Variants in PLPP4 observed in about 807,000 individuals in gnomAD.
PLPP4 encodes the protein diacylglycerol pyrophosphate like 2.
PLPP4 carries 20 observed loss-of-function variants against 32.2 expected under a neutral mutation model. That is an observed-to-expected ratio of 0.62 (90% CI 0.44 to 0.90). The LOEUF is 0.90. Among genes scored for constraint, PLPP4 ranks in the 40% least tolerant of loss-of-function variants. The pLI, the probability that PLPP4 is intolerant of heterozygous loss-of-function variation, is 0.00. For missense variants in PLPP4, 257 were observed against 353.1 expected, an observed-to-expected ratio of 0.73 and a Z score of 2.18; for synonymous variants, 127 against 133.0, an observed-to-expected ratio of 0.95 and a Z score of 0.31.
At chr10:120,519,014 G>T in intron 4 of PLPP4, 118 bp downstream of exon 4, 1 of 617,004 alleles carries the variant, frequency 1.6e-6, no homozygotes, top group Non-Finnish European at 2.7e-6. Flanking sequence ...CCCTTAAATT[G>T]TTGTCCTTCT....
chr10:120,551,165 G>A (rs1847883836), intron 5 of PLPP4, among the ~76,000 whole-genome samples: 3 of 152,038 alleles, frequency 2.0e-5, no homozygotes, highest in Admixed American at 2.0e-4. Flanking sequence ...TCCTCATTAG[G>A]GAAATACAAA....
chr10:120,460,082 C>A (rs988137644), intron 1 of PLPP4, among the ~76,000 whole-genome samples: 1 of 152,132 alleles, frequency 6.6e-6, no homozygotes, highest in Admixed American at 6.6e-5. Flanking sequence ...GACTTCAAAT[C>A]GCTGGGAAGG....
At chr10:120,496,862 A>T (rs1263073270) in intron 1 of PLPP4, among the ~76,000 whole-genome samples, 3 of 149,030 alleles carry the variant, frequency 2.0e-5, no homozygotes, top group South Asian at 4.2e-4. Context: ...CATGGGAGTG[A>T]GAGAGAGAGA....
At chr10:120,489,382 G>A (rs1400547585) in intron 1 of PLPP4, among the ~76,000 whole-genome samples, 2 of 152,178 alleles carry the variant, frequency 1.3e-5, no homozygotes, top group African/African-American at 4.8e-5. Context: ...TCACAGGGGA[G>A]CAGACTTCAG....
At chr10:120,475,058 C>G (rs1843836073) in intron 1 of PLPP4, among the ~76,000 whole-genome samples, 1 of 152,020 alleles carries the variant, frequency 6.6e-6, no homozygotes, top group South Asian at 2.1e-4. Flanking sequence ...GGTAGTGAGG[C>G]TTTCTTATAA....
intron 1 of PLPP4, among the ~76,000 whole-genome samples, chr10:120,466,144 A>G (rs574901158): frequency 6.6e-6 from 1 of 152,250 alleles, no homozygotes; most frequent in South Asian, 2.1e-4. Context: ...ATGATGCTGT[A>G]ATCTCCATCT....
At chr10:120,536,666 A>C (rs1045719306) in intron 5 of PLPP4, among the ~76,000 whole-genome samples, 1 of 65,672 alleles carries the variant, frequency 1.5e-5, no homozygotes, top group Non-Finnish European at 3.6e-5. Flanking sequence ...TACCTAAAGC[A>C]CAGGCAAAAA....
intron 1 of PLPP4, among the ~76,000 whole-genome samples, chr10:120,482,871 C>G (rs939429063): frequency 3.3e-5 from 5 of 152,108 alleles, no homozygotes; most frequent in African/African-American, 1.2e-4. Context: ...GAGATCGCAC[C>G]ACTGCACTCC....
At chr10:120,515,804 T>C (rs1589802389) in intron 3 of PLPP4, among the ~76,000 whole-genome samples, 1 of 152,132 alleles carries the variant, frequency 6.6e-6, no homozygotes, top group Non-Finnish European at 1.5e-5. Context: ...CTTTAGTTCA[T>C]TCTTTATTCT....
chr10:120,500,602 T>A (rs1845197273), intron 1 of PLPP4, among the ~76,000 whole-genome samples: 1 of 128,964 alleles, frequency 7.8e-6, no homozygotes, highest in East Asian at 2.3e-4. Context: ...GGATACCTGC[T>A]GTGGGGGAAG....
chr10:120,546,807 T>A (rs1847649004), intron 5 of PLPP4, among the ~76,000 whole-genome samples: 1 of 152,248 alleles, frequency 6.6e-6, no homozygotes, highest in South Asian at 2.1e-4. Flanking sequence ...TGCTTCTCCA[T>A]ATCATCTATC....
chr10:120,587,660 C>G (rs1040024327), intron 6 of PLPP4, among the ~76,000 whole-genome samples: 1 of 152,112 alleles, frequency 6.6e-6, no homozygotes, highest in African/African-American at 2.4e-5. Flanking sequence ...TAGATAGAAC[C>G]AGGATACCTA....
At chr10:120,574,712 T>C (rs1443317640) in intron 5 of PLPP4, among the ~76,000 whole-genome samples, 2 of 152,210 alleles carry the variant, frequency 1.3e-5, no homozygotes, top group Non-Finnish European at 2.9e-5. Flanking sequence ...TTGCTCTGTA[T>C]GTACTTGTTT....
At chr10:120,536,158 A>G (rs1847007866) in intron 5 of PLPP4, among the ~76,000 whole-genome samples, 1 of 152,080 alleles carries the variant, frequency 6.6e-6, no homozygotes, top group African/African-American at 2.4e-5. Context: ...AAAATTCCAA[A>G]GGCATTTAGG....
At chr10:120,583,516 G>C (rs916022038) in intron 6 of PLPP4, among the ~76,000 whole-genome samples, 1 of 152,064 alleles carries the variant, frequency 6.6e-6, no homozygotes, top group Admixed American at 6.5e-5. Flanking sequence ...TATATCCAGA[G>C]TTGTGCAACC....
rs183126831 is a variant in PLPP4 at position 120,512,168 on chromosome 10, G to T, written c.166-1743G>T. On this transcript the variant is annotated intron_variant, in intron 2 of 6. Coordinates refer to ENST00000398250, the MANE Select transcript of PLPP4 (RefSeq NM_001030059.3). ...GAGGAAATCAGTACTTCAACAAGCC[G>T]TGTAGTTATTTAGGTGTGAGAGCTG... Among the ~76,000 whole-genome samples the T allele has an allele frequency of 3.9e-5, 6 of 152,274 alleles. No homozygotes were observed. The East Asian group carries it at 7.7e-4, about 20-fold the overall frequency.
chr10:120,589,875 CA>C lies in PLPP4; in HGVS notation c.*375del. 1 of 190,656 alleles carries C rather than the reference CA, an allele frequency of 5.2e-6. No homozygotes were observed. The highest frequency in any genetic ancestry group is 1.1e-5 in the Non-Finnish European group (1 of 92,570). 11.8% of individuals were successfully genotyped at this position (190,656 alleles called of 1,614,324 possible). A position where few individuals can be genotyped will look rare whatever the true frequency, so the allele number is the denominator to read the frequency against. ...ACTTGGTGTTGGCCACCCAGCGCAA[CA>C]AGTCATTTGGAGATGCAGCAGGTTT... On this transcript the variant is annotated 3_prime_UTR_variant, in exon 7 of 7. Coordinates refer to ENST00000398250, the MANE Select transcript of PLPP4 (RefSeq NM_001030059.3).
intron 1 of PLPP4, among the ~76,000 whole-genome samples, chr10:120,470,085 C>T (rs532116706): frequency 2.0e-5 from 3 of 152,296 alleles, no homozygotes; most frequent in East Asian, 1.9e-4. Context: ...TTACATTTCA[C>T]CACAGTTGTG....
chr10:120,544,703 G>A (rs1040087091), intron 5 of PLPP4, among the ~76,000 whole-genome samples: 4 of 152,228 alleles, frequency 2.6e-5, no homozygotes, highest in African/African-American at 9.6e-5. Flanking sequence ...AGCCCAGCAC[G>A]TTGTATGTGT....
Sources: allele counts gnomAD v4.1 joint callset (sites outside exome capture counted in the v4.1 genomes callset), GRCh38; gene constraint gnomAD v4.1.1; transcripts MANE v1.5; gene names NCBI Gene and HGNC (gene_info 2026-07-23, HGNC 2026-07-21).